Variants in PRKDC observed in about 807,000 individuals in gnomAD.
PRKDC encodes the protein protein kinase, DNA-activated, catalytic subunit.
In PRKDC, 82 loss-of-function variants were observed where a neutral mutation model predicts 486.9. That is an observed-to-expected ratio of 0.17 (90% CI 0.14 to 0.20). The LOEUF is 0.20. PRKDC is among the 10% of genes least tolerant of loss of function. The pLI is 1.00. For synonymous variants in PRKDC, 1,895 were observed against 1,837.0 expected (o/e 1.03, Z -0.81); for missense variants, 4,504 against 5,038.2 (o/e 0.89, Z 3.21).
At chr8:47,806,676 T>C (rs2087221336) in intron 69 of PRKDC, among the ~76,000 whole-genome samples, 1 of 152,234 alleles carries the variant, frequency 6.6e-6, no homozygotes, top group Non-Finnish European at 1.5e-5. Context: ...TATTAAATGA[T>C]AATTCCTACA....
At chr8:47,815,018 T>C (rs1178669859) in intron 68 of PRKDC, among the ~76,000 whole-genome samples, 1 of 151,806 alleles carries the variant, frequency 6.6e-6, no homozygotes, top group African/African-American at 2.4e-5. Context: ...ACAAAAAAAT[T>C]AGCCAGGCAT....
Position 47,860,503 on chromosome 8 carries a change from A to C in PRKDC, c.6058+396T>G, listed in dbSNP as rs138460281. Among the ~76,000 whole-genome samples, 42 of 152,352 alleles carry C rather than the reference A, an allele frequency of 2.8e-4. 1 individual carries two copies. The East Asian group carries it at 7.5e-3, about 27-fold the overall frequency. ...TCTGTCCTGCCGGAGATGGGAACCC[A>C]CAGTGAGGCTGGGCACAGAAGAGTG... On this transcript the variant is annotated intron_variant, in intron 45 of 85. Coordinates refer to ENST00000314191, the MANE Select transcript of PRKDC (RefSeq NM_006904.7).
intron 58 of PRKDC, among the ~76,000 whole-genome samples, chr8:47,834,686 C>CTTTTT (rs1014285595): frequency 4.1e-5 from 4 of 96,776 alleles, no homozygotes; most frequent in Non-Finnish European, 7.2e-5. Context: ...GAACCCCTGA[C>CTTTTT]TTTTTTTTTT....
intron 45 of PRKDC, among the ~76,000 whole-genome samples, chr8:47,860,625 T>G (rs1276604233): frequency 6.6e-6 from 1 of 152,220 alleles, no homozygotes; most frequent in Non-Finnish European, 1.5e-5. Context: ...CAAGCTAATT[T>G]TGTATTTTTA....
At chr8:47,920,486 C>T (rs2090054008) in intron 21 of PRKDC, among the ~76,000 whole-genome samples, 1 of 152,110 alleles carries the variant, frequency 6.6e-6, no homozygotes, top group Non-Finnish European at 1.5e-5. Flanking sequence ...GGAGCTCTGT[C>T]CTGATTTATA....
intron 26 of PRKDC, among the ~76,000 whole-genome samples, chr8:47,903,158 A>G (rs1285550987): frequency 6.6e-6 from 1 of 152,224 alleles, no homozygotes; most frequent in Non-Finnish European, 1.5e-5. Context: ...ATTTTACCCC[A>G]TAACAGCTTT....
intron 11 of PRKDC, among the ~76,000 whole-genome samples, chr8:47,939,281 A>G (rs775064835): frequency 6.6e-6 from 1 of 152,204 alleles, no homozygotes; most frequent in Non-Finnish European, 1.5e-5. Flanking sequence ...AAATCCATGC[A>G]TACTCAAGTC....
chr8:47,953,723 A>G lies in PRKDC; in HGVS notation c.622-4T>C. On this transcript the variant is annotated splice_polypyrimidine_tract_variant and splice_region_variant and intron_variant, in intron 6 of 85. Coordinates refer to ENST00000314191, the MANE Select transcript of PRKDC (RefSeq NM_006904.7). Reference sequence around the variant, plus strand: ...GCTCTCTTACTGCTGATGTCATCTAAAAGAAAAGATTTAAGAAGATGTCAT... The same window carrying G: ...GCTCTCTTACTGCTGATGTCATCTAGAAGAAAAGATTTAAGAAGATGTCAT... 1 of 1,608,500 alleles carries G rather than the reference A, an allele frequency of 6.2e-7. No homozygotes were observed. Among genetic ancestry groups the G allele is most frequent in the Non-Finnish European group, 8.5e-7 (1 of 1,177,224 alleles).
At chr8:47,875,630 A>T (rs2089075616) in intron 40 of PRKDC, among the ~76,000 whole-genome samples, 1 of 152,226 alleles carries the variant, frequency 6.6e-6, no homozygotes, top group African/African-American at 2.4e-5. Context: ...TCAGATCAAA[A>T]TGCTATCTGA....
chr8:47,846,188 G>T (rs2088259263), intron 54 of PRKDC, among the ~76,000 whole-genome samples: 1 of 152,190 alleles, frequency 6.6e-6, no homozygotes, highest in Non-Finnish European at 1.5e-5. Flanking sequence ...AGCTGAGATG[G>T]ATGGATCATT....
At chr8:47,920,691 A>G (rs1015879833) in intron 21 of PRKDC, among the ~76,000 whole-genome samples, 13 of 152,344 alleles carry the variant, frequency 8.5e-5, no homozygotes, top group Admixed American at 5.9e-4. Flanking sequence ...TATTTTATCT[A>G]TCAGTATTAA....
At position 47,820,937 on chromosome 8, in the gene PRKDC, A is replaced by G; in HGVS notation, c.9118T>C (p.Tyr3040His). 6.3e-7 allele frequency: 1 copy of G among 1,584,012 alleles called. No individual in the cohort carries two copies. Among genetic ancestry groups the G allele is most frequent in the Non-Finnish European group, 8.6e-7 (1 of 1,162,652 alleles). The change falls in exon 66 of 86, where the codon TAT (tyrosine) becomes CAT (histidine). Residue 3040 changes from tyrosine to histidine, a missense_variant. Tyr to His is a moderately conservative substitution (Grantham distance 83, BLOSUM62 2). Around this residue, in one of 6 missense-constraint regions of PRKDC, gnomAD observed 1,592 missense variants for 1,724.6 expected, o/e 0.92. Coordinates refer to ENST00000314191, the MANE Select transcript of PRKDC (RefSeq NM_006904.7). ...TTGCTGCGGATCATGTAAGGTAGAT[A>G]TGTTTCCTAAGGAACATAAAAATAT... ...IWSEPFYQETYLPYMIRSKLK... is the reference protein window; with the variant it reads ...IWSEPFYQETHLPYMIRSKLK...
intron 28 of PRKDC, among the ~76,000 whole-genome samples, chr8:47,898,867 C>CGTGG (rs943639197): frequency 6.6e-6 from 1 of 152,228 alleles, no homozygotes; most frequent in Non-Finnish European, 1.5e-5. Flanking sequence ...ACCAACACCA[C>CGTGG]GGCCACCCAA....
chr8:47,866,156 CAAAAAAAAAAAAA>C (rs766279016), intron 40 of PRKDC, among the ~76,000 whole-genome samples: 2 of 52,328 alleles, frequency 3.8e-5, no homozygotes, highest in African/African-American at 1.2e-4. Flanking sequence ...AACTCCGTCG[CAAAAAAAAAAAAA>C]AAAAAAAAAA....
At chr8:47,904,841 A>G in intron 26 of PRKDC, 28 bp downstream of exon 26, 2 of 1,421,064 alleles carry the variant, frequency 1.4e-6, no homozygotes, top group Non-Finnish European at 2.0e-6. Context: ...CGATGGGAGT[A>G]AGAGGAAAAG....
intron 25 of PRKDC, among the ~76,000 whole-genome samples, chr8:47,905,307 G>T (rs925582618): frequency 6.6e-6 from 1 of 152,126 alleles, no homozygotes; most frequent in African/African-American, 2.4e-5. Flanking sequence ...GGGATTACAG[G>T]TATGAGCCAC....
chr8:47,954,553 C>T, intron 4 of PRKDC, 107 bp from the exon 5 acceptor site: 1 of 420,082 alleles, frequency 2.4e-6, no homozygotes, highest in South Asian at 6.9e-5. Context: ...ATTCCTCTAT[C>T]TCAGTGCATC....
At position 47,778,339 on chromosome 8, in the gene PRKDC, G is replaced by A. The variant is rs2086640873; in HGVS notation, c.11853+120C>T. 2.7e-6 allele frequency: 3 copies of A among 1,121,382 alleles called. No individual in the cohort carries two copies. The Admixed American group carries it at 7.2e-5, about 27-fold the overall frequency. 69.5% of individuals were successfully genotyped at this position (1,121,382 alleles called of 1,614,324 possible). A position where few individuals can be genotyped will look rare whatever the true frequency, so the allele number is the denominator to read the frequency against. On this transcript the variant is annotated intron_variant, in intron 83 of 85. Coordinates refer to ENST00000314191, the MANE Select transcript of PRKDC (RefSeq NM_006904.7). ...ATCCCTTTCTGCATTCAATGACCAT[G>A]ACAAAACGAATCTAACTAATATGTT...
intron 3 of PRKDC, among the ~76,000 whole-genome samples, 194 bp downstream of exon 3, chr8:47,956,977 C>CAAAAAAAAAAAAAAAAA (rs2090713226): frequency 8.7e-5 from 1 of 11,454 alleles, no homozygotes; most frequent in African/African-American, 1.9e-4. Flanking sequence ...AACTCCTTCT[C>CAAAAAAAAAAAAAAAAA]CAAAAAAAAA....
Sources: gnomAD v4.1 joint callset for allele counts (sites outside exome capture counted in the v4.1 genomes callset) on GRCh38, gnomAD v4.1.1 for gene constraint, gnomAD v4.1.1 regional missense constraint, MANE v1.5 for transcripts, NCBI Gene and HGNC (gene_info 2026-07-23, HGNC 2026-07-21) for gene names.